PTPN3: variants seen among roughly 807,000 people sequenced by gnomAD.
The protein encoded by PTPN3 is protein tyrosine phosphatase non-receptor type 3.
Under a neutral mutation model 132.7 loss-of-function variants are expected in PTPN3, and 96 were observed. That is an observed-to-expected ratio of 0.72 (90% CI 0.61 to 0.86). The LOEUF is 0.86. PTPN3 is among the 40% of genes least tolerant of loss of function. The pLI, the probability that PTPN3 is intolerant of heterozygous loss-of-function variation, is 0.00. For synonymous variants in PTPN3, 398 were observed against 429.0 expected (o/e 0.93, Z 0.89); for missense variants, 1,125 against 1,159.6 (o/e 0.97, Z 0.43).
intron 21 of PTPN3, among the ~76,000 whole-genome samples, chr9:109,390,395 T>C (rs1291356198): frequency 6.6e-6 from 1 of 152,210 alleles, no homozygotes; most frequent in African/African-American, 2.4e-5. Context: ...TTTTAATCTT[T>C]TTAAGTGGTT....
intron 9 of PTPN3, 118 bp from the exon 10 acceptor site, chr9:109,433,279 A>G (rs1043192296): frequency 2.3e-5 from 33 of 1,413,948 alleles, no homozygotes; most frequent in Non-Finnish European, 2.9e-5. Flanking sequence ...AAATGGGAAA[A>G]TGCTACTGAA....
the PTPN3 span, among the ~76,000 whole-genome samples, chr9:109,515,379 G>T: frequency 6.6e-6 from 1 of 152,172 alleles, no homozygotes. Context: ...CTGCATTGGA[G>T]TTGCTGCTCC....
At chr9:109,440,479 A>G (rs1442071453) in intron 7 of PTPN3, among the ~76,000 whole-genome samples, 1 of 152,214 alleles carries the variant, frequency 6.6e-6, no homozygotes. Context: ...CCTTTGGGAC[A>G]GGGTCAAGAT....
At chr9:109,386,874 C>G (rs1227619351) in intron 22 of PTPN3, among the ~76,000 whole-genome samples, 2 of 152,148 alleles carry the variant, frequency 1.3e-5, no homozygotes, top group African/African-American at 4.8e-5. Flanking sequence ...GCTGGGGGAG[C>G]CTCTAGGCCA....
At chr9:109,486,111 T>C (rs1588502933) in intron 1 of PTPN3, among the ~76,000 whole-genome samples, 1 of 152,140 alleles carries the variant, frequency 6.6e-6, no homozygotes, top group South Asian at 2.1e-4. Flanking sequence ...CCACTCAACA[T>C]GTGGTGGCTT....
chr9:109,422,685 G>T (rs1380146003), intron 13 of PTPN3, 33 bp downstream of exon 13: 8 of 1,536,108 alleles, frequency 5.2e-6, no homozygotes, highest in African/African-American at 1.5e-5. Context: ...TCTACTGTTG[G>T]GTAGTACAAA....
chr9:109,536,690 TG>T, the PTPN3 span, among the ~76,000 whole-genome samples: 1 of 151,872 alleles, frequency 6.6e-6, no homozygotes, highest in Admixed American at 6.6e-5. Context: ...AAGAGCTAAG[TG>T]GGGGTAGGGG....
chr9:109,410,405 C>A lies in PTPN3; in HGVS notation c.1324G>T (p.Glu442Ter). The change falls in exon 15 of 26, where the codon GAG becomes TAG. Residue 442 changes from glutamate (E) to a stop codon, truncating the protein, a stop_gained. Coordinates refer to ENST00000374541, the MANE Select transcript of PTPN3 (RefSeq NM_002829.4). LOFTEE classifies it high-confidence loss of function. ...NRSPHQESLS[E>*]NNPAQSYLTQ... is the part of the protein sequence containing the mutation. ...AGGTAGCTTTGTGCCGGATTGTTCT[C>A]GGATAAACTCCTTCATCATGGGGAA... 1 of 1,613,930 alleles carries A rather than the reference C, an allele frequency of 6.2e-7. No individual in the cohort carries two copies.
At position 109,427,018 on chromosome 9, in the gene PTPN3, C is replaced by T; in HGVS notation, c.933G>A (p.Lys311=). 1 of 1,613,910 alleles carries T rather than the reference C, an allele frequency of 6.2e-7. No individual in the cohort carries two copies. The highest frequency in any genetic ancestry group is 8.5e-7 in the Non-Finnish European group (1 of 1,179,796). ...CVEHHTFFQA[K]KLLPQEKNVL... ...CATTCTTTTCCTGAGGTAGTAGCTT[C>T]TTTGCCTGAAAGAACGTATGGTGCT... Residue 311 remains lysine, a synonymous_variant, in exon 12 of 26, where the codon AAG becomes AAA. Coordinates refer to ENST00000374541, the MANE Select transcript of PTPN3 (RefSeq NM_002829.4).
At chr9:109,387,444 G>A (rs1839688053) in intron 22 of PTPN3, among the ~76,000 whole-genome samples, 1 of 152,136 alleles carries the variant, frequency 6.6e-6, no homozygotes, top group Non-Finnish European at 1.5e-5. Flanking sequence ...GGCAACCCAG[G>A]GGCCCCTAAT....
At chr9:109,415,571 G>A (rs1333309764) in intron 14 of PTPN3, among the ~76,000 whole-genome samples, 2 of 152,208 alleles carry the variant, frequency 1.3e-5, no homozygotes, top group Non-Finnish European at 2.9e-5. Context: ...GAAGCATGGT[G>A]TGGAAGGAGG....
intron 1 of PTPN3, among the ~76,000 whole-genome samples, chr9:109,480,833 C>T (rs369333934): frequency 9.2e-5 from 14 of 152,154 alleles, no homozygotes; most frequent in South Asian, 4.1e-4. Flanking sequence ...TCACCACTGC[C>T]GCACAGGCAG....
chr9:109,431,505 C>T (rs1329931784), intron 10 of PTPN3, among the ~76,000 whole-genome samples: 10 of 152,298 alleles, frequency 6.6e-5, no homozygotes, highest in East Asian at 1.9e-4. Context: ...TGCCTGGGCA[C>T]GCCCCAGCCC....
the PTPN3 span, among the ~76,000 whole-genome samples, chr9:109,530,696 C>T: frequency 2.0e-5 from 3 of 152,176 alleles, no homozygotes; most frequent in African/African-American, 7.2e-5. Context: ...CAGGGGTTCT[C>T]ATTTCTCCAC....
chr9:109,407,546 A>T (rs894615116), intron 17 of PTPN3, among the ~76,000 whole-genome samples: 31 of 152,304 alleles, frequency 2.0e-4, no homozygotes, highest in African/African-American at 5.3e-4. Flanking sequence ...ACAATAAAAT[A>T]AATTTATTTT....
the PTPN3 span, among the ~76,000 whole-genome samples, chr9:109,505,164 C>T: frequency 6.6e-6 from 1 of 152,178 alleles, no homozygotes; most frequent in Non-Finnish European, 1.5e-5. Context: ...ATCACAGCCA[C>T]CAGGTCACCA....
At chr9:109,485,897 T>C (rs1471478386) in intron 1 of PTPN3, among the ~76,000 whole-genome samples, 1 of 152,242 alleles carries the variant, frequency 6.6e-6, no homozygotes, top group African/African-American at 2.4e-5. Context: ...CTGAAGCCTT[T>C]CCTGGTCTTT....
intron 4 of PTPN3, 101 bp from the exon 5 acceptor site, chr9:109,454,675 T>C (rs1003564477): frequency 3.4e-6 from 3 of 873,676 alleles, no homozygotes; most frequent in Admixed American, 2.1e-5. Context: ...CACTCAACCA[T>C]AGCTTTTTCC....
At chr9:109,465,507 C>T (rs550699206) in intron 1 of PTPN3, among the ~76,000 whole-genome samples, 52 of 151,950 alleles carry the variant, frequency 3.4e-4, no homozygotes, top group Non-Finnish European at 6.6e-4. Flanking sequence ...ATCAGGAGTT[C>T]GAGACCAGCC....
Sources: gnomAD v4.1 joint callset for allele counts (sites outside exome capture counted in the v4.1 genomes callset) on GRCh38, gnomAD v4.1.1 for gene constraint, MANE v1.5 for transcripts, NCBI Gene and HGNC (gene_info 2026-07-23, HGNC 2026-07-21) for gene names.